ROBO2: variants seen among roughly 807,000 people sequenced by gnomAD.
The protein encoded by ROBO2 is roundabout homolog 2.
In ROBO2, 53 loss-of-function variants were observed where a neutral mutation model predicts 160.8. That is an observed-to-expected ratio of 0.33 (90% CI 0.26 to 0.41). ROBO2 has a LOEUF of 0.41. Among genes scored for constraint, ROBO2 ranks in the 10% least tolerant of loss-of-function variants. ROBO2 has a pLI of 1.00. For synonymous variants in ROBO2, 664 were observed against 611.7 expected (o/e 1.09, Z -1.26); for missense variants, 1,577 against 1,722.4 (o/e 0.92, Z 1.49).
At chr3:75,941,157 T>C (rs1309312322) in intron 2 of ROBO2, among the ~76,000 whole-genome samples, 1 of 152,186 alleles carries the variant, frequency 6.6e-6, no homozygotes, top group African/African-American at 2.4e-5. Flanking sequence ...GGTCTTGCTA[T>C]GTTGCCCAGG....
chr3:77,261,120 C>A (rs368541507), intron 2 of ROBO2, among the ~76,000 whole-genome samples: 4 of 152,234 alleles, frequency 2.6e-5, no homozygotes, highest in East Asian at 3.9e-4. Flanking sequence ...TATGGGAAAG[C>A]AATTTCCTTG....
At chr3:77,562,243 C>T (rs562353817) in intron 9 of ROBO2, among the ~76,000 whole-genome samples, 8 of 152,160 alleles carry the variant, frequency 5.3e-5, no homozygotes, top group Admixed American at 5.2e-4. Flanking sequence ...TGAGACAGAA[C>T]AGTTTTGCAT....
In ROBO2 at chr3:76,472,100, T is replaced by TGTGTGTGC. The variant is rs1491261065; in HGVS notation, c.109+534499_109+534500insTGTGTGCG. Among the ~76,000 whole-genome samples, 557 of 111,118 alleles carry TGTGTGTGC rather than the reference T, an allele frequency of 5.0e-3. 16 individuals carry two copies. The highest frequency in any genetic ancestry group is 0.014 in the African/African-American group (387 of 27,892). The allele number at this position is 111,118 out of a possible 152,430, so 72.9% of individuals were successfully genotyped here. On this transcript the variant is annotated intron_variant, in intron 2 of 26. Coordinates refer to the ROBO2 transcript ENST00000487694. Reference sequence around the variant, plus strand: ...GTGTGTGTGTGTGTGTGTGTGTGTGTGCGCGTGTGCGTGCGCATGTGTATC... The same window carrying TGTGTGTGC: ...GTGTGTGTGTGTGTGTGTGTGTGTGTGTGTGTGCGCGCGTGTGCGTGCGCATGTGTATC...
chr3:76,186,885 C>T (rs4855972), intron 2 of ROBO2, among the ~76,000 whole-genome samples: 3,654 of 152,150 alleles, frequency 0.024, 220 homozygotes, highest in East Asian at 0.2. Flanking sequence ...CCATCTCATT[C>T]GACTTCTCAG....
chr3:77,408,387 T>C (rs1317722853), intron 2 of ROBO2, among the ~76,000 whole-genome samples: 2 of 152,194 alleles, frequency 1.3e-5, no homozygotes, highest in Non-Finnish European at 2.9e-5. Flanking sequence ...ATGTGCTTTT[T>C]TATTACCCTA....
intron 5 of ROBO2, among the ~76,000 whole-genome samples, chr3:77,499,660 T>G (rs7649611): frequency 6.6e-6 from 1 of 151,044 alleles, no homozygotes; most frequent in Admixed American, 6.6e-5. Flanking sequence ...GCTTTTTTTT[T>G]TTTTTTTTGA....
chr3:76,689,595 A>G (rs993439623), intron 2 of ROBO2, among the ~76,000 whole-genome samples: 3 of 152,132 alleles, frequency 2.0e-5, no homozygotes, highest in African/African-American at 7.2e-5. Context: ...CATCCCCCAA[A>G]AAAGAAAATG....
chr3:77,205,427 T>G (rs930061933), intron 2 of ROBO2, among the ~76,000 whole-genome samples: 2 of 152,042 alleles, frequency 1.3e-5, no homozygotes, highest in Non-Finnish European at 2.9e-5. Context: ...CGTGCCGTTC[T>G]GCTGTTCATC....
intron 2 of ROBO2, among the ~76,000 whole-genome samples, chr3:76,134,528 A>C (rs934201916): frequency 1.3e-5 from 2 of 152,008 alleles, no homozygotes; most frequent in African/African-American, 4.8e-5. Context: ...AAAACCCTTT[A>C]AAAGAAGATC....
At chr3:76,832,128 G>T (rs916846216) in intron 2 of ROBO2, among the ~76,000 whole-genome samples, 5 of 152,140 alleles carry the variant, frequency 3.3e-5, no homozygotes, top group Admixed American at 3.3e-4. Flanking sequence ...TTCATTTAAT[G>T]CTTTCACTCT....
intron 2 of ROBO2, among the ~76,000 whole-genome samples, chr3:76,831,169 C>T (rs549516654): frequency 3.2e-4 from 48 of 152,178 alleles, no homozygotes; most frequent in African/African-American, 1.1e-3. Context: ...CCAGAGATAA[C>T]GTTGTACATC....
chr3:76,657,385 C>A (rs1267019259), intron 2 of ROBO2, among the ~76,000 whole-genome samples: 3 of 151,038 alleles, frequency 2.0e-5, no homozygotes, highest in Admixed American at 6.6e-5. Context: ...AGATCGCGCC[C>A]CTGCACTCCA....
intron 2 of ROBO2, among the ~76,000 whole-genome samples, chr3:76,009,765 GA>G (rs1328820150): frequency 6.6e-6 from 1 of 152,166 alleles, no homozygotes; most frequent in African/African-American, 2.4e-5. Context: ...TTGTGTTCCA[GA>G]AAAGTTCAAT....
intron 2 of ROBO2, among the ~76,000 whole-genome samples, chr3:75,994,316 A>C (rs1442841445): frequency 2.0e-5 from 3 of 151,168 alleles, no homozygotes; most frequent in Admixed American, 6.6e-5. Context: ...ACACTTAAAC[A>C]AAAAAATTGA....
intron 2 of ROBO2, among the ~76,000 whole-genome samples, chr3:77,412,128 C>T (rs1383928367): frequency 6.8e-6 from 1 of 147,014 alleles, no homozygotes; most frequent in African/African-American, 2.4e-5. Flanking sequence ...CCAGGCGGTT[C>T]TAAAAGTACC....
intron 2 of ROBO2, among the ~76,000 whole-genome samples, chr3:76,700,173 C>T (rs1288258108): frequency 2.0e-5 from 3 of 152,116 alleles, no homozygotes; most frequent in Non-Finnish European, 2.9e-5. Context: ...CCTCCCTTCT[C>T]TTCTTATTCT....
At chr3:75,996,328 C>T (rs1445538326) in intron 2 of ROBO2, among the ~76,000 whole-genome samples, 1 of 152,080 alleles carries the variant, frequency 6.6e-6, no homozygotes, top group East Asian at 1.9e-4. Flanking sequence ...TTCTGATGAG[C>T]TCTCATGGTT....
intron 2 of ROBO2, among the ~76,000 whole-genome samples, chr3:77,391,775 T>C (rs1273859922): frequency 6.6e-6 from 1 of 152,094 alleles, no homozygotes; most frequent in Non-Finnish European, 1.5e-5. Context: ...CCCAGGCTGG[T>C]CTTGAACTCC....
At chr3:76,285,336 A>G (rs1038906089) in intron 2 of ROBO2, among the ~76,000 whole-genome samples, 1 of 152,144 alleles carries the variant, frequency 6.6e-6, no homozygotes, top group African/African-American at 2.4e-5. Flanking sequence ...TCAACTCAGT[A>G]ACAATGATGG....
Sources: gnomAD v4.1 joint callset for allele counts (sites outside exome capture counted in the v4.1 genomes callset) on GRCh38, gnomAD v4.1.1 for gene constraint, MANE v1.5 for transcripts, NCBI Gene and HGNC (gene_info 2026-07-23, HGNC 2026-07-21) for gene names.